Variants in DST observed in about 807,000 individuals in gnomAD.
DST encodes the protein dystonin, also known as bullous pemphigoid antigen.
Under a neutral mutation model 875.2 loss-of-function variants are expected in DST, and 253 were observed. The ratio of observed to expected loss-of-function variants is 0.29; its 90% CI spans 0.26 to 0.32. DST has a LOEUF of 0.32. DST is among the 10% of genes least tolerant of loss of function. The probability of loss-of-function intolerance (pLI) is 1.00; values close to 1 mark genes in which losing one functional copy is unlikely to be tolerated. For synonymous variants in DST, 3,124 were observed against 3,197.1 expected (o/e 0.98, Z 0.77); for missense variants, 8,287 against 9,111.6 (o/e 0.91, Z 3.68).
chr6:56,763,087 T>G (rs2099621523), intron 4 of DST, among the ~76,000 whole-genome samples: 1 of 151,964 alleles, frequency 6.6e-6, no homozygotes, highest in South Asian at 2.1e-4. Flanking sequence ...TGACCTCAGG[T>G]GATCTGCCCA....
intron 49 of DST, among the ~76,000 whole-genome samples, chr6:56,591,146 T>G (rs2098265934): frequency 6.6e-6 from 1 of 152,244 alleles, no homozygotes; most frequent in Non-Finnish European, 1.5e-5. Context: ...AAATTATTGG[T>G]CACATTAGTT....
intron 2 of DST, among the ~76,000 whole-genome samples, chr6:56,919,855 A>T (rs1803158928): frequency 6.6e-6 from 1 of 152,114 alleles, no homozygotes; most frequent in Admixed American, 6.5e-5. Flanking sequence ...ACTGAGGCAG[A>T]AGAATTGCTT....
At chr6:56,639,143 C>T (rs2098855717) in intron 22 of DST, 116 bp downstream of exon 22, 4 of 883,098 alleles carry the variant, frequency 4.5e-6, no homozygotes, top group South Asian at 4.3e-5. Flanking sequence ...ATTTCTGAGC[C>T]AGGTTTTAAT....
intron 58 of DST, 108 bp from the exon 59 acceptor site, chr6:56,557,626 C>T (rs1261317211): frequency 8.3e-6 from 7 of 842,184 alleles, no homozygotes; most frequent in Non-Finnish European, 1.1e-5. Flanking sequence ...TGGCTATAAT[C>T]CCATTTTTAT....
At chr6:56,584,525 C>T (rs1218060817) in intron 49 of DST, among the ~76,000 whole-genome samples, 1 of 150,416 alleles carries the variant, frequency 6.6e-6, no homozygotes, top group African/African-American at 2.5e-5. Context: ...GATATACAAT[C>T]ATGTTGCCTG....
intron 55 of DST, among the ~76,000 whole-genome samples, chr6:56,566,325 G>T (rs2097676955): frequency 6.6e-6 from 1 of 152,228 alleles, no homozygotes; most frequent in Admixed American, 6.5e-5. Context: ...AGCCCTGGTG[G>T]TGCAGGCACC....
At chr6:56,620,055 G>A (rs759727040) in intron 36 of DST, 1 of 1,613,778 alleles carries the variant, frequency 6.2e-7, no homozygotes, top group Non-Finnish European at 8.5e-7. Flanking sequence ...CATGTATACT[G>A]AATTTCAGTT....
chr6:56,784,038 T>C (rs1346983564), intron 4 of DST, among the ~76,000 whole-genome samples: 1 of 152,192 alleles, frequency 6.6e-6, no homozygotes, highest in Non-Finnish European at 1.5e-5. Flanking sequence ...TCTTTAAGAA[T>C]GTTGAATATT....
chr6:56,600,964 A>C (rs1342058537), intron 44 of DST, among the ~76,000 whole-genome samples: 1 of 152,068 alleles, frequency 6.6e-6, no homozygotes, highest in Non-Finnish European at 1.5e-5. Flanking sequence ...CGCTATTGTT[A>C]TTTCCAATCT....
At chr6:56,485,565 C>A in intron 87 of DST, 94 bp from the exon 88 acceptor site, 1 of 1,239,828 alleles carries the variant, frequency 8.1e-7, no homozygotes, top group Non-Finnish European at 1.1e-6. Context: ...TTGAGTGGTA[C>A]TCAAGGGGAA....
chr6:56,660,117 T>C (rs558020862), intron 10 of DST, among the ~76,000 whole-genome samples: 3 of 152,238 alleles, frequency 2.0e-5, no homozygotes, highest in South Asian at 2.1e-4. Flanking sequence ...ATCATACAGA[T>C]AGAAAAAGAC....
intron 2 of DST, among the ~76,000 whole-genome samples, chr6:56,943,990 G>A (rs1026975457): frequency 1.3e-5 from 2 of 152,008 alleles, no homozygotes; most frequent in Admixed American, 1.3e-4. Context: ...GGTGGTGAGT[G>A]CCTGTAATCC....
intron 4 of DST, among the ~76,000 whole-genome samples, chr6:56,805,542 A>C (rs2099752085): frequency 6.6e-6 from 1 of 152,224 alleles, no homozygotes; most frequent in Non-Finnish European, 1.5e-5. Flanking sequence ...TAAAGAGCAA[A>C]ACAACTGGTT....
At chr6:56,717,049 A>G (rs532446248) in intron 5 of DST, among the ~76,000 whole-genome samples, 142 of 152,144 alleles carry the variant, frequency 9.3e-4, no homozygotes, top group Non-Finnish European at 1.7e-3. Flanking sequence ...TGGGCGTGGT[A>G]GCAGGCGCCT....
In DST at chr6:56,640,257, C is replaced by G. The variant is rs775528094; in HGVS notation, c.2376G>C (p.Leu792Phe). 3 of 1,614,112 alleles carry G rather than the reference C, an allele frequency of 1.9e-6. No homozygotes were observed. The South Asian group carries it at 3.3e-5, about 18-fold the overall frequency. ...VEPNSLQTLKLMQIRKPLLKS... is the reference protein window; with the variant it reads ...VEPNSLQTLKFMQIRKPLLKS... ...TTAGAAGGGGTTTTCGGATCTGCAT[C>G]AACTTCAAAGTTTGCAATGAATTTG... Residue 792 changes from leucine (L) to phenylalanine (F), a missense_variant, in exon 18 of 104, where the codon TTG becomes TTC. Physicochemically the swap from Leu to Phe is conservative, Grantham distance 22. This residue lies in a region of DST where 1,160 missense variants were observed against 1,424.3 expected (regional missense o/e 0.81). Coordinates refer to ENST00000680361, the MANE Select transcript of DST (RefSeq NM_001374736.1).
chr6:56,945,410 G>C (rs1270884848), intron 2 of DST, among the ~76,000 whole-genome samples: 1 of 152,110 alleles, frequency 6.6e-6, no homozygotes, highest in East Asian at 1.9e-4. Context: ...TATATTCCTA[G>C]TTTGAAAAAC....
chr6:56,680,330 T>C (rs1315175056), intron 9 of DST, among the ~76,000 whole-genome samples: 1 of 152,180 alleles, frequency 6.6e-6, no homozygotes, highest in South Asian at 2.1e-4. Context: ...ATAGAAGTGA[T>C]GGGTAGGGGG....
intron 2 of DST, among the ~76,000 whole-genome samples, chr6:56,922,721 G>C (rs1002974155): frequency 6.6e-6 from 1 of 152,100 alleles, no homozygotes; most frequent in African/African-American, 2.4e-5. Flanking sequence ...TGGAATTATG[G>C]TGCTAGATTA....
At position 56,509,654 on chromosome 6, in the gene DST, T is replaced by C. The variant is rs1296215128; in HGVS notation, c.19000A>G (p.Ile6334Val). 2 of 1,612,612 alleles carry C rather than the reference T, an allele frequency of 1.2e-6. No homozygotes were observed. The highest frequency in any genetic ancestry group is 8.5e-7 in the Non-Finnish European group (1 of 1,179,012). ...IARSGGTDKD[I>V]SAKAVQDKLD... is the part of the protein sequence containing the mutation. The stretch of plus-strand genomic sequence containing the variant: ...CCAAAAGTATTACCTTTGGCAGATA[T>C]GTCTTTATCAGTCCCCCCAGATCTA... Residue 6334 changes from isoleucine to valine, a missense_variant, in exon 74 of 104, where the codon ATA becomes GTA. Transcript: ENST00000680361.
Sources: allele counts gnomAD v4.1 joint callset (sites outside exome capture counted in the v4.1 genomes callset), GRCh38; gene constraint gnomAD v4.1.1; regional missense constraint gnomAD v4.1.1; transcripts MANE v1.5; gene names NCBI Gene and HGNC (gene_info 2026-07-23, HGNC 2026-07-21).